Variants in PLXNB2 observed in about 807,000 individuals in gnomAD.
The protein encoded by PLXNB2 is plexin-B2.
In PLXNB2, 85 loss-of-function variants were observed where a neutral mutation model predicts 202.6. The observed-to-expected ratio is 0.42, with a 90% confidence interval of 0.35 to 0.50. The LOEUF is 0.50. PLXNB2 is among the 20% of genes least tolerant of loss of function. The probability of loss-of-function intolerance (pLI) is 0.02; values close to 1 mark genes in which losing one functional copy is unlikely to be tolerated. For synonymous variants in PLXNB2, 1,239 were observed against 1,137.6 expected, an observed-to-expected ratio of 1.09 and a Z score of -1.79; for missense variants, 2,063 against 2,586.2, an observed-to-expected ratio of 0.80 and a Z score of 4.39.
At chr22:50,278,371 G>A (rs1198748317) in intron 30 of PLXNB2, 64 bp downstream of exon 30, 14 of 1,561,102 alleles carry the variant, frequency 9.0e-6, no homozygotes, top group Non-Finnish European at 1.2e-5. Flanking sequence ...ATGTGTCCAG[G>A]GCAGACATGG....
At position 50,278,703 on chromosome 22, in the gene PLXNB2, G is replaced by A. The variant is rs1223342071; in HGVS notation, c.4547-7C>T. ...GTGGAGCCCGGACGCCACTCTGTGG[G>A]AAGAGACAGCCCAGCTTGGGCCCCA... On this transcript the variant is annotated splice_region_variant and splice_polypyrimidine_tract_variant and intron_variant, in intron 28 of 36. Coordinates refer to ENST00000359337, the MANE Select transcript of PLXNB2 (RefSeq NM_012401.4). 3 of 1,606,858 alleles carry A rather than the reference G, an allele frequency of 1.9e-6. No individual in the cohort carries two copies. The highest frequency in any genetic ancestry group is 1.1e-5 in the South Asian group (1 of 90,386).
At chr22:50,287,311 C>A in intron 7 of PLXNB2, 47 bp from the exon 8 acceptor site, 1 of 1,453,754 alleles carries the variant, frequency 6.9e-7, no homozygotes, top group South Asian at 1.4e-5. Flanking sequence ...CGAGTCCTGT[C>A]AGCCCACCTG....
At chr22:50,286,366 T>C (rs1201665659) in intron 8 of PLXNB2, 79 bp from the exon 9 acceptor site, 1 of 997,298 alleles carries the variant, frequency 1.0e-6, no homozygotes, top group Admixed American at 1.8e-5. Context: ...TGGGGCTGAC[T>C]CCTGGGGCCA....
intron 23 of PLXNB2, 46 bp downstream of exon 23, chr22:50,281,043 C>A: frequency 6.2e-7 from 1 of 1,602,322 alleles, no homozygotes; most frequent in Non-Finnish European, 8.5e-7. Flanking sequence ...ACACAGCATC[C>A]CCGCCCCAGG....
chr22:50,287,019 T>C (rs2066504725), intron 8 of PLXNB2, 92 bp downstream of exon 8: 3 of 1,293,554 alleles, frequency 2.3e-6, no homozygotes, highest in South Asian at 3.2e-5. Flanking sequence ...GTGCAGAGCC[T>C]GCACCCAGGG....
chr22:50,303,740 G>A (rs142852262), intron 1 of PLXNB2, among the ~76,000 whole-genome samples: 22 of 152,348 alleles, frequency 1.4e-4, no homozygotes, highest in East Asian at 7.7e-4. Flanking sequence ...CAGAGGGGCC[G>A]GGGCCCTACC....
Position 50,281,614 on chromosome 22 carries a change from G to T in PLXNB2, c.3474C>A (p.Pro1158=). Residue 1158 remains proline (P), a synonymous_variant, in exon 21 of 37, where the codon CCC becomes CCA. Transcript: ENST00000359337. The part of the protein sequence containing the change: ...YCEPPEVQPP[P]KRRQKRDTTH... ...TGGTGTCTCGTTTCTGCCGCCGCTT[G>T]GGCGGGGGCTGCACCTCCGGGGGCT... The T allele has an allele frequency of 1.2e-6, 2 of 1,609,644 alleles. No homozygotes were observed. Among genetic ancestry groups the T allele is most frequent in the Non-Finnish European group, 1.7e-6 (2 of 1,177,848 alleles).
At position 50,282,759 on chromosome 22, in the gene PLXNB2, C is replaced by T. The variant is rs79500228; in HGVS notation, c.2939G>A (p.Arg980His). The stretch of plus-strand genomic sequence containing the variant: ...GAAGGCTCGCAGTACGGGGTTTTCG[C>T]GGTAGGTGAAGAAGATGCCGGGGTT... The part of the protein sequence containing the change: ...VPNPGIFFTY[R>H]ENPVLRAFEP... The change falls in exon 18 of 37, where the codon CGC (arginine) becomes CAC (histidine). Residue 980 changes from arginine to histidine, a missense_variant. Coordinates refer to ENST00000359337, the MANE Select transcript of PLXNB2 (RefSeq NM_012401.4). 1,635 of 1,575,500 alleles carry T rather than the reference C, an allele frequency of 1.0e-3. No individual in the cohort carries two copies. Among genetic ancestry groups the T allele is most frequent in the Non-Finnish European group, 1.3e-3 (1,529 of 1,166,652 alleles).
Position 50,281,455 on chromosome 22 carries a change from G to A in PLXNB2, c.3567C>T (p.Tyr1189=), listed in dbSNP as rs757629640. Residue 1189 remains tyrosine (Y), a synonymous_variant, in exon 22 of 37, where the codon TAC becomes TAT. Transcript: ENST00000359337. ...GCGGCACGTCGCTCACCCGTGTGTC[G>A]TACTCCACGCGGCCCAGCACCCACT... ...SREWVLGRVE[Y]DTRVSDVPLS... 62 of 1,612,258 alleles carry A rather than the reference G, an allele frequency of 3.8e-5. No individual in the cohort carries two copies. Among genetic ancestry groups the A allele is most frequent in the Admixed American group, 5.0e-5 (3 of 59,974 alleles).
In PLXNB2 at chr22:50,278,938, G is replaced by A. The variant is rs750949109; in HGVS notation, c.4463C>T (p.Ser1488Phe). The change falls in exon 28 of 37, where the codon TCC becomes TTC. Residue 1488 changes from serine (S) to phenylalanine (F), a missense_variant. Physicochemically the swap from Ser to Phe is radical, Grantham distance 155 (BLOSUM62 -2). Transcript: ENST00000359337. Reference protein sequence around the residue: ...PVKVLNCDTISQVKEKIIDQV... With the variant: ...PVKVLNCDTIFQVKEKIIDQV... ...GTCAATGATCTTCTCCTTGACCTGG[G>A]AGATGGTGTCACAGTTGAGGACCTT... The A allele has an allele frequency of 1.5e-5, 25 of 1,613,662 alleles. No homozygotes were observed. The highest frequency in any genetic ancestry group is 1.9e-5 in the Non-Finnish European group (23 of 1,179,912).
At chr22:50,298,125 G>C (rs936743518) in intron 1 of PLXNB2, among the ~76,000 whole-genome samples, 1 of 152,254 alleles carries the variant, frequency 6.6e-6, no homozygotes, top group Non-Finnish European at 1.5e-5. Flanking sequence ...GGCACCTGCC[G>C]GTCCAAACTC....
In PLXNB2 at chr22:50,277,948, T is replaced by C. The variant is rs772496036; in HGVS notation, c.4953A>G (p.Pro1651=). ...AGTCGAAGAAGTACTTGACTGCAGG[T>C]GGCACCGCGTGCCCAGGCGCCAGCA... The part of the protein sequence containing the change: ...QSVLAPGHAV[P]PAVKYFFDFL... The change falls in exon 32 of 37, where the codon CCA becomes CCG. Residue 1651 remains proline, a synonymous_variant. Coordinates refer to ENST00000359337, the MANE Select transcript of PLXNB2 (RefSeq NM_012401.4). The C allele has an allele frequency of 6.2e-7, 1 of 1,612,768 alleles. No individual in the cohort carries two copies. Among genetic ancestry groups the C allele is most frequent in the African/African-American group, 1.3e-5 (1 of 74,880 alleles).
In PLXNB2 at chr22:50,290,310, A is replaced by G; in HGVS notation, c.275T>C (p.Met92Thr). The stretch of plus-strand genomic sequence containing the variant: ...CAGCAGCTGGTTGACATTGTCAGTC[A>G]TCTCAGCCTCATGGCACTGGCTGGC... Reference protein sequence around the residue: ...IEASQCHEAEMTDNVNQLLLL... With the variant: ...IEASQCHEAETTDNVNQLLLL... The change falls in exon 3 of 37, where the codon ATG becomes ACG. Residue 92 changes from methionine (M) to threonine (T), a missense_variant. Physicochemically the swap from Met to Thr is moderately conservative, Grantham distance 81 (BLOSUM62 -1). Transcript: ENST00000359337. The G allele has an allele frequency of 1.9e-6, 3 of 1,612,152 alleles. No individual in the cohort carries two copies. Among genetic ancestry groups the G allele is most frequent in the Non-Finnish European group, 2.5e-6 (3 of 1,180,002 alleles).
chr22:50,283,151 T>C lies in PLXNB2; in HGVS notation c.2715A>G (p.Gly905=). ...PKPLSVEPQQ[G]PQAGGTTLTI... ...TCAGTGTGGTGCCGCCCGCCTGCGG[T>C]CCCTGCTGCGGCTCCACACTGAGAG... The change falls in exon 17 of 37, where the codon GGA becomes GGG. Residue 905 remains glycine, a synonymous_variant. Coordinates refer to ENST00000359337, the MANE Select transcript of PLXNB2 (RefSeq NM_012401.4). 6.3e-7 allele frequency: 1 copy of C among 1,597,440 alleles called. No homozygotes were observed. Among genetic ancestry groups the C allele is most frequent in the Non-Finnish European group, 8.5e-7 (1 of 1,173,512 alleles).
chr22:50,299,192 GGGT>G (rs966750773), intron 1 of PLXNB2, among the ~76,000 whole-genome samples: 5 of 152,168 alleles, frequency 3.3e-5, no homozygotes, highest in African/African-American at 1.2e-4. Context: ...GGGCAGGAGG[GGGT>G]GGCATGAGCA....
chr22:50,302,192 C>A (rs1213104646), intron 1 of PLXNB2, among the ~76,000 whole-genome samples: 1 of 152,164 alleles, frequency 6.6e-6, no homozygotes, highest in Non-Finnish European at 1.5e-5. Flanking sequence ...TGGTGAGGCA[C>A]AGGGTGTTGG....
In PLXNB2 at chr22:50,288,609, T is replaced by A; in HGVS notation, c.1380+134A>T. The A allele has an allele frequency of 3.9e-6, 5 of 1,285,358 alleles. No individual in the cohort carries two copies. The highest frequency in any genetic ancestry group is 5.0e-5 in the East Asian group (2 of 39,606). The allele number at this position is 1,285,358 out of a possible 1,614,324, so 79.6% of individuals were successfully genotyped here. On this transcript the variant is annotated intron_variant, in intron 5 of 36. Transcript: ENST00000359337. The surrounding 1 kb of genome is among the most constrained non-coding windows in gnomAD (Gnocchi z 5.0). ...CCGGGACCCACCCAGCCACCCCTCA[T>A]CCAGACCAAGGAGAAGGGCCCAGCT...
chr22:50,276,078 G>A lies in PLXNB2; in HGVS notation c.5338-115C>T, dbSNP rs1382939239. ...TCCCCGGGGAAGCAGCTGGGGCCTT[G>A]GGCACAGCTGGCACTTGGGGCCCCC... On this transcript the variant is annotated intron_variant, in intron 35 of 36. Coordinates refer to ENST00000359337, the MANE Select transcript of PLXNB2 (RefSeq NM_012401.4). 1.0e-5 allele frequency: 10 copies of A among 961,148 alleles called. No individual in the cohort carries two copies. The Admixed American group carries it at 1.8e-4, about 17-fold the overall frequency. The allele number at this position is 961,148 out of a possible 1,614,324, so 59.5% of individuals were successfully genotyped here.
chr22:50,298,789 G>A (rs1325816022), intron 1 of PLXNB2, among the ~76,000 whole-genome samples: 1 of 152,218 alleles, frequency 6.6e-6, no homozygotes, highest in Non-Finnish European at 1.5e-5. Context: ...GGGACTACAG[G>A]TGCACGCCAC....
Sources: gnomAD v4.1 joint callset for allele counts (sites outside exome capture counted in the v4.1 genomes callset) on GRCh38, gnomAD v4.1.1 for gene constraint, Gnocchi (gnomAD v3.1) non-coding constraint, MANE v1.5 for transcripts, NCBI Gene and HGNC (gene_info 2026-07-23, HGNC 2026-07-21) for gene names.